The following USO1 variants were observed in gnomAD, a reference collection of about 807,000 sequenced individuals.
USO1 encodes the protein USO1 vesicle transport factor, also known as general vesicular transport factor p115.
A neutral mutation model predicts 124.5 loss-of-function variants in USO1; 57 were observed. The ratio of observed to expected loss-of-function variants is 0.46; its 90% CI spans 0.37 to 0.57. The LOEUF is 0.57. USO1 is among the 20% of genes least tolerant of loss of function. USO1 has a pLI of 0.00. For missense variants in USO1, 900 were observed against 1,040.6 expected (o/e 0.86, Z 1.86); for synonymous variants, 369 against 362.8 (o/e 1.02, Z -0.19).
intron 4 of USO1, among the ~76,000 whole-genome samples, chr4:75,768,034 TGG>T (rs1366389877): frequency 6.6e-6 from 1 of 152,190 alleles, no homozygotes; most frequent in Non-Finnish European, 1.5e-5. Flanking sequence ...TCTCCTTTTT[TGG>T]GACAGGGTCT....
chr4:75,801,264 C>G (rs924885615), intron 17 of USO1, 64 bp downstream of exon 17: 1 of 1,453,544 alleles, frequency 6.9e-7, no homozygotes, highest in African/African-American at 1.4e-5. Context: ...TTTAAGGGAG[C>G]CTTTTTTTCT....
rs1038690903 is a variant in USO1, at chr4:75,809,637, C to T, written c.2475+586C>T. ...ATTTGCCACTTTATAACAAGGATTGCCTTTCCTCCGATTCCCAGTAACATG... is the reference window on the plus strand; with the variant it reads ...ATTTGCCACTTTATAACAAGGATTGTCTTTCCTCCGATTCCCAGTAACATG... On this transcript the variant is annotated intron_variant, in intron 21 of 23. Transcript: ENST00000514213. Among the ~76,000 whole-genome samples the T allele has an allele frequency of 2.0e-5, 3 of 152,298 alleles. No individual in the cohort carries two copies. In the South Asian group the frequency reaches 6.2e-4, roughly 32 times the overall value.
At chr4:75,725,676 A>G (rs1397032046) in intron 1 of USO1, among the ~76,000 whole-genome samples, 1 of 151,932 alleles carries the variant, frequency 6.6e-6, no homozygotes, top group Non-Finnish European at 1.5e-5. Flanking sequence ...CTTAGATTCT[A>G]GGTTTAGAAT....
At position 75,760,376 on chromosome 4, in the gene USO1, A is replaced by G. The variant is rs181149979; in HGVS notation, c.295+2803A>G. 1.3e-3 allele frequency among the ~76,000 whole-genome samples: 200 copies of G among 152,316 alleles called. 1 individual carries two copies. The highest frequency in any genetic ancestry group is 4.7e-3 in the African/African-American group (195 of 41,566). On this transcript the variant is annotated intron_variant, in intron 4 of 23. Transcript: ENST00000514213. Reference sequence around the variant, plus strand: ...AGGACTGTTTTACAACCCTCTAATGATAAATCTGTCTCGTAGTCCTAAAAA... The same window carrying G: ...AGGACTGTTTTACAACCCTCTAATGGTAAATCTGTCTCGTAGTCCTAAAAA...
intron 17 of USO1, among the ~76,000 whole-genome samples, chr4:75,801,969 G>A (rs1295405493): frequency 6.6e-6 from 1 of 152,138 alleles, no homozygotes; most frequent in Non-Finnish European, 1.5e-5. Flanking sequence ...ATAGGCGTGT[G>A]CCACCACGCT....
intron 13 of USO1, among the ~76,000 whole-genome samples, chr4:75,796,734 C>T (rs1407832675): frequency 6.6e-6 from 1 of 151,580 alleles, no homozygotes; most frequent in Non-Finnish European, 1.5e-5. Context: ...CAGTTTTAGC[C>T]TCCATTTGTT....
intron 4 of USO1, among the ~76,000 whole-genome samples, chr4:75,761,878 C>A (rs1055499341): frequency 6.6e-6 from 1 of 152,056 alleles, no homozygotes; most frequent in East Asian, 1.9e-4. Context: ...GAAGCATTAC[C>A]TTTTGTGACA....
intron 4 of USO1, among the ~76,000 whole-genome samples, chr4:75,758,831 A>G (rs1721515317): frequency 6.6e-6 from 1 of 152,236 alleles, no homozygotes; most frequent in Admixed American, 6.5e-5. Flanking sequence ...TACCCATGGA[A>G]AAAGAGGTTG....
rs3059597 is a variant in USO1 at position 75,732,876 on chromosome 4, T to TA, written c.66+8013dup. Among the ~76,000 whole-genome samples, 85 of 48,180 alleles carry TA rather than the reference T, an allele frequency of 1.8e-3. 2 individuals carry two copies. The highest frequency in any genetic ancestry group is 0.023 in the Middle Eastern group (1 of 44). 31.6% of individuals were successfully genotyped at this position (48,180 alleles called of 152,430 possible). A position where few individuals can be genotyped will look rare whatever the true frequency, so the allele number is the denominator to read the frequency against. ...CCTGGCGACAGAGCGAGATTCCATC[T>TA]AAAAAAAAAAAAAAAAAAAAAAGTC... On this transcript the variant is annotated intron_variant, in intron 1 of 23. Transcript: ENST00000514213.
intron 20 of USO1, among the ~76,000 whole-genome samples, chr4:75,807,428 T>TA (rs1415331751): frequency 6.6e-6 from 1 of 152,006 alleles, no homozygotes; most frequent in Admixed American, 6.6e-5. Flanking sequence ...AACCTAGGAC[T>TA]AACTGTCTTC....
intron 1 of USO1, among the ~76,000 whole-genome samples, chr4:75,739,777 C>G (rs899557482): frequency 6.6e-6 from 1 of 151,980 alleles, no homozygotes; most frequent in Non-Finnish European, 1.5e-5. Flanking sequence ...GAACTCCTGA[C>G]CTCAAGTGAT....
At chr4:75,784,177 G>A (rs1019660602) in intron 9 of USO1, among the ~76,000 whole-genome samples, 2 of 152,074 alleles carry the variant, frequency 1.3e-5, no homozygotes, top group African/African-American at 4.8e-5. Context: ...CAAGCCACCA[G>A]ACCTGACTGG....
Position 75,774,723 on chromosome 4 carries a change from G to C in USO1, c.603G>C (p.Gln201His). 1 of 1,613,694 alleles carries C rather than the reference G, an allele frequency of 6.2e-7. No homozygotes were observed. Among genetic ancestry groups the C allele is most frequent in the Non-Finnish European group, 8.5e-7 (1 of 1,179,726 alleles). ...QALTRSNGAI[Q>H]KIVAFENAFE... ...TAACAAGAAGCAATGGTGCAATCCA[G>C]AAAATTGTTGCTTTTGAAAATGCTT... Residue 201 changes from glutamine to histidine, a missense_variant, in exon 8 of 24, where the codon CAG becomes CAC. This residue lies in a region of USO1 where 538 missense variants were observed against 681.6 expected (regional missense o/e 0.79). Coordinates refer to ENST00000514213, the MANE Select transcript of USO1 (RefSeq NM_003715.4).
rs368674265 is a variant in USO1 at position 75,806,478 on chromosome 4, A to G, written c.2290-8A>G. 7.1e-6 allele frequency: 11 copies of G among 1,553,766 alleles called. No homozygotes were observed. The highest frequency in any genetic ancestry group is 5.8e-5 in the Admixed American group (3 of 51,302). ...ATATTTTATAGTTTATTTTTGTGCT[A>G]TTTGCAGAAATCTTCCCAAACATCT... On this transcript the variant is annotated splice_polypyrimidine_tract_variant and splice_region_variant and intron_variant, in intron 19 of 23. Coordinates refer to ENST00000514213, the MANE Select transcript of USO1 (RefSeq NM_003715.4).
In USO1 at chr4:75,776,898, A is replaced by G. The variant is rs143675646; in HGVS notation, c.676+2102A>G. On this transcript the variant is annotated intron_variant, in intron 8 of 23. Coordinates refer to ENST00000514213, the MANE Select transcript of USO1 (RefSeq NM_003715.4). ...TGCACCTTAAGCATTTTAAAGTTAA[A>G]TGTAATAAAATAAAGGTGTATATTT... Among the ~76,000 whole-genome samples the G allele has an allele frequency of 8.6e-3, 1,314 of 152,304 alleles. 19 individuals are homozygous for G. Among genetic ancestry groups the G allele is most frequent in the African/African-American group, 0.021 (891 of 41,568 alleles).
chr4:75,743,454 T>C (rs993504206), intron 1 of USO1, among the ~76,000 whole-genome samples: 4 of 152,174 alleles, frequency 2.6e-5, no homozygotes, highest in Admixed American at 1.3e-4. Context: ...TGCCTGGCTG[T>C]GCTGTCCAAA....
intron 9 of USO1, among the ~76,000 whole-genome samples, chr4:75,785,271 T>G (rs1349497779): frequency 6.6e-6 from 1 of 152,224 alleles, no homozygotes; most frequent in African/African-American, 2.4e-5. Flanking sequence ...AGAATTGATC[T>G]GCTTGCTGAG....
At chr4:75,786,507 T>C (rs1722365138) in intron 9 of USO1, among the ~76,000 whole-genome samples, 1 of 152,242 alleles carries the variant, frequency 6.6e-6, no homozygotes, top group African/African-American at 2.4e-5. Flanking sequence ...TGAAATTTTA[T>C]GTTTACAGTC....
At chr4:75,770,946 T>G in intron 6 of USO1, 22 bp downstream of exon 6, 1 of 1,601,408 alleles carries the variant, frequency 6.2e-7, no homozygotes, top group Non-Finnish European at 8.5e-7. Context: ...ATCTTTTTTA[T>G]ATTATTTTGA....
Sources: allele counts gnomAD v4.1 joint callset (sites outside exome capture counted in the v4.1 genomes callset), GRCh38; gene constraint gnomAD v4.1.1; regional missense constraint gnomAD v4.1.1; transcripts MANE v1.5; gene names NCBI Gene and HGNC (gene_info 2026-07-23, HGNC 2026-07-21).